The following WDFY2 variants were observed in gnomAD, a reference collection of about 807,000 sequenced individuals.
WDFY2 encodes WD repeat and FYVE domain containing 2.
Under a neutral mutation model 56.4 loss-of-function variants are expected in WDFY2, and 36 were observed. The observed-to-expected ratio is 0.64, with a 90% CI of 0.49 to 0.84. WDFY2 has a LOEUF of 0.84. WDFY2 is among the 40% of genes least tolerant of loss of function. The pLI, the probability that WDFY2 is intolerant of heterozygous loss-of-function variation, is 0.00. For missense variants in WDFY2, 444 were observed against 512.2 expected (o/e 0.87, Z 1.29); for synonymous variants, 176 against 183.7 (o/e 0.96, Z 0.34).
chr13:51,705,956 G>A (rs1347104312), intron 4 of WDFY2, among the ~76,000 whole-genome samples: 6 of 152,002 alleles, frequency 3.9e-5, no homozygotes, highest in South Asian at 2.1e-4. Flanking sequence ...GACTAATTTT[G>A]TGTTTTTCTT....
At position 51,677,215 on chromosome 13, in the gene WDFY2, AAACCTT is replaced by A. The variant is rs371258455; in HGVS notation, c.279+1976_279+1981del. Among the ~76,000 whole-genome samples the A allele has an allele frequency of 4.9e-3, 751 of 152,336 alleles. 4 individuals carry two copies. Among genetic ancestry groups the A allele is most frequent in the African/African-American group, 0.014 (589 of 41,576 alleles). ...TATGTCAGTACAGGGTTGAGACATCAAACCTTAACTTACTCCAGTCTTCTGAAAAAG... is the reference window on the plus strand; with the variant it reads ...TATGTCAGTACAGGGTTGAGACATCAAACTTACTCCAGTCTTCTGAAAAAG... On this transcript the variant is annotated intron_variant, in intron 3 of 11. Transcript: ENST00000298125.
chr13:51,658,233 TG>T (rs1392680139), intron 1 of WDFY2, among the ~76,000 whole-genome samples: 1 of 152,236 alleles, frequency 6.6e-6, no homozygotes, highest in African/African-American at 2.4e-5. Flanking sequence ...CTGAGGTCTC[TG>T]TTCTGTTATG....
chr13:51,684,631 C>T (rs1478108657), intron 3 of WDFY2, among the ~76,000 whole-genome samples: 2 of 152,072 alleles, frequency 1.3e-5, no homozygotes, highest in African/African-American at 2.4e-5. Flanking sequence ...TCTTTCCCTC[C>T]AAATATGCTC....
chr13:51,761,724 A>G lies in WDFY2; in HGVS notation c.*1955A>G, dbSNP rs73199750. ...CTGCCCCTACGTGTGTTTCCCTGGG[A>G]TGGGGCCTTGCTAGAGGTGATTCTG... On this transcript the variant is annotated 3_prime_UTR_variant, in exon 12 of 12. Coordinates refer to ENST00000298125, the MANE Select transcript of WDFY2 (RefSeq NM_052950.4). 20,865 of 152,168 alleles carry G rather than the reference A, an allele frequency of 0.14. 1,984 individuals are homozygous for G. Among genetic ancestry groups the G allele is most frequent in the African/African-American group, 0.24 (10,019 of 41,476 alleles). The allele number at this position is 152,168 out of a possible 1,614,324, so 9.4% of individuals were successfully genotyped here. A position where few individuals can be genotyped will look rare whatever the true frequency, so the allele number is the denominator to read the frequency against.
intron 5 of WDFY2, among the ~76,000 whole-genome samples, chr13:51,724,578 G>A (rs1952564898): frequency 2.0e-5 from 3 of 151,992 alleles, no homozygotes; most frequent in Admixed American, 2.0e-4. Context: ...AGCAATTTTA[G>A]GTGCACAGCA....
chr13:51,657,119 T>C (rs1028344661), intron 1 of WDFY2, among the ~76,000 whole-genome samples: 5 of 152,114 alleles, frequency 3.3e-5, no homozygotes, highest in Non-Finnish European at 7.4e-5. Flanking sequence ...ATTCCCTTAT[T>C]TTTCTCTTCT....
At chr13:51,644,447 G>A (rs908643691) in intron 1 of WDFY2, among the ~76,000 whole-genome samples, 1 of 152,178 alleles carries the variant, frequency 6.6e-6, no homozygotes, top group African/African-American at 2.4e-5. Flanking sequence ...CACTGAAAAT[G>A]TTGTCACTTG....
At chr13:51,612,514 G>A (rs532957390) in intron 1 of WDFY2, among the ~76,000 whole-genome samples, 1 of 152,042 alleles carries the variant, frequency 6.6e-6, no homozygotes, top group Admixed American at 6.5e-5. Flanking sequence ...TGTTTTATAG[G>A]TACACATTTC....
chr13:51,693,544 G>A (rs892168303), intron 3 of WDFY2, among the ~76,000 whole-genome samples: 5 of 152,174 alleles, frequency 3.3e-5, no homozygotes, highest in Non-Finnish European at 7.3e-5. Context: ...TGTGGTCTGA[G>A]AGACAGTTTG....
At chr13:51,624,322 TCCTGCACTTTTTCCACC>T (rs1954799143) in intron 1 of WDFY2, among the ~76,000 whole-genome samples, 1 of 152,230 alleles carries the variant, frequency 6.6e-6, no homozygotes. Flanking sequence ...TAGCTATTGC[TCCTGCACTTTTTCCACC>T]CCTGATTTGC....
rs772631606 is a variant in WDFY2 at position 51,755,333 on chromosome 13, C to T, written c.832-25C>T. The T allele has an allele frequency of 6.2e-6, 10 of 1,609,788 alleles. No homozygotes were observed. The South Asian group carries it at 8.8e-5, about 14-fold the overall frequency. Reference sequence around the variant, plus strand: ...TTGTCCTGACTGCTGGCCACAGTGACCTGTTCTGTGCTTTATTTGACAAGA... The same window carrying T: ...TTGTCCTGACTGCTGGCCACAGTGATCTGTTCTGTGCTTTATTTGACAAGA... On this transcript the variant is annotated intron_variant, in intron 8 of 11. Coordinates refer to ENST00000298125, the MANE Select transcript of WDFY2 (RefSeq NM_052950.4).
At chr13:51,616,319 T>C (rs1174090054) in intron 1 of WDFY2, among the ~76,000 whole-genome samples, 1 of 152,222 alleles carries the variant, frequency 6.6e-6, no homozygotes, top group Non-Finnish European at 1.5e-5. Context: ...ACTTGTTTTC[T>C]GGGAGAGGTT....
intron 1 of WDFY2, among the ~76,000 whole-genome samples, chr13:51,631,716 C>T (rs184770836): frequency 3.9e-4 from 59 of 152,168 alleles, no homozygotes; most frequent in African/African-American, 1.3e-3. Context: ...ATTATTTAGA[C>T]GAGGATCTTG....
intron 4 of WDFY2, among the ~76,000 whole-genome samples, chr13:51,714,376 C>G (rs925189481): frequency 6.6e-6 from 1 of 152,138 alleles, no homozygotes; most frequent in Non-Finnish European, 1.5e-5. Flanking sequence ...ACCGCAACCT[C>G]TGCCTCTTGG....
In WDFY2 at chr13:51,703,621, AC is replaced by A; in HGVS notation, c.306del (p.Asn102LysfsTer3). ...ISEFILSEDY[N>X]KMTPVKNYQA... ...GAGTTTATATTGTCAGAAGATTATA[AC>A]AAGATGACTCCTGTGAAAAACTATC... On this transcript the variant is annotated frameshift_variant, in exon 4 of 12. Transcript: ENST00000298125. LOFTEE classifies it high-confidence loss of function. 1 of 1,609,962 alleles carries A rather than the reference AC, an allele frequency of 6.2e-7. No individual in the cohort carries two copies. The highest frequency in any genetic ancestry group is 8.5e-7 in the Non-Finnish European group (1 of 1,177,942).
intron 3 of WDFY2, among the ~76,000 whole-genome samples, chr13:51,693,424 CT>C (rs1304653155): frequency 6.6e-6 from 1 of 151,706 alleles, no homozygotes; most frequent in Non-Finnish European, 1.5e-5. Flanking sequence ...TTATTTCTGC[CT>C]TCATTTCGTT....
intron 6 of WDFY2, among the ~76,000 whole-genome samples, chr13:51,730,034 T>C (rs917391109): frequency 6.6e-6 from 1 of 152,212 alleles, no homozygotes. Context: ...TTTCTGTTTC[T>C]ATGAATTTGA....
chr13:51,613,619 G>A (rs991637394), intron 1 of WDFY2, among the ~76,000 whole-genome samples: 3 of 152,080 alleles, frequency 2.0e-5, no homozygotes, highest in Admixed American at 6.5e-5. Context: ...TCTTGGGAAT[G>A]GATTAATGAC....
chr13:51,605,397 G>A (rs991820608), intron 1 of WDFY2, among the ~76,000 whole-genome samples: 4 of 152,186 alleles, frequency 2.6e-5, no homozygotes, highest in African/African-American at 7.2e-5. Context: ...AGTTTGTGAG[G>A]ATTAAGGGAT....
Sources: gnomAD v4.1 joint callset for allele counts (sites outside exome capture counted in the v4.1 genomes callset) on GRCh38, gnomAD v4.1.1 for gene constraint, MANE v1.5 for transcripts, NCBI Gene and HGNC (gene_info 2026-07-23, HGNC 2026-07-21) for gene names.